SLC14A2: variants seen among roughly 807,000 people sequenced by gnomAD.
The protein encoded by SLC14A2 is solute carrier family 14 member 2.
A neutral mutation model predicts 104.6 loss-of-function variants in SLC14A2; 91 were observed. The observed-to-expected ratio is 0.87, with a 90% CI of 0.73 to 1.04. The LOEUF is 1.04. Among genes scored for constraint, SLC14A2 ranks in the 50% least tolerant of loss-of-function variants. The pLI is 0.00. For missense variants in SLC14A2, 1,189 were observed against 1,156.0 expected, an observed-to-expected ratio of 1.03 and a Z score of -0.41; for synonymous variants, 476 against 466.4, an observed-to-expected ratio of 1.02 and a Z score of -0.27.
chr18:45,191,638 C>T, the SLC14A2 span, among the ~76,000 whole-genome samples: 77 of 152,254 alleles, frequency 5.1e-4, no homozygotes, highest in African/African-American at 1.8e-3. Context: ...AAACTAGGTC[C>T]CCTGGGGGGG....
rs940215215 is a variant in SLC14A2, at chr18:45,411,253, T to A, written c.-124-71980T>A. ...ACATGGACTACACAGGAGCTTAATG[T>A]GTAAATTTATCCAGTGCTTTTGTAT... On this transcript the variant is annotated intron_variant, in intron 1 of 20. Coordinates refer to the SLC14A2 transcript ENST00000586448. 3.3e-5 allele frequency among the ~76,000 whole-genome samples: 5 copies of A among 152,228 alleles called. 1 individual carries two copies. The highest frequency in any genetic ancestry group is 3.3e-4 in the Admixed American group (5 of 15,276).
intron 5 of SLC14A2, among the ~76,000 whole-genome samples, chr18:45,634,202 G>T (rs1198247859): frequency 1.3e-5 from 2 of 152,188 alleles, no homozygotes; most frequent in African/African-American, 4.8e-5. Flanking sequence ...GTAGGTATTT[G>T]TAGTGCCATT....
chr18:45,264,572 G>A (rs549212235), intron 1 of SLC14A2, among the ~76,000 whole-genome samples: 57 of 152,230 alleles, frequency 3.7e-4, no homozygotes, highest in African/African-American at 1.2e-3. Context: ...TGGCTGGAGT[G>A]GCCTCACAAT....
At chr18:45,263,568 TAG>T (rs764187978) in intron 1 of SLC14A2, among the ~76,000 whole-genome samples, 20 of 152,234 alleles carry the variant, frequency 1.3e-4, no homozygotes, top group Non-Finnish European at 2.8e-4. Context: ...AATTCTAATG[TAG>T]AGTTTTAATG....
At chr18:45,196,454 T>C in the SLC14A2 span, among the ~76,000 whole-genome samples, 1 of 152,258 alleles carries the variant, frequency 6.6e-6, no homozygotes, top group Non-Finnish European at 1.5e-5. Flanking sequence ...TGTGATTCTC[T>C]GAAGTGGCCA....
intron 1 of SLC14A2, among the ~76,000 whole-genome samples, chr18:45,321,391 C>T (rs1259897062): frequency 6.6e-6 from 1 of 152,204 alleles, no homozygotes; most frequent in Non-Finnish European, 1.5e-5. Flanking sequence ...AGGAACAGAA[C>T]TATACTTGTG....
At chr18:45,172,218 G>A in the SLC14A2 span, among the ~76,000 whole-genome samples, 1 of 152,088 alleles carries the variant, frequency 6.6e-6, no homozygotes, top group Non-Finnish European at 1.5e-5. Flanking sequence ...CCTTTCCTAG[G>A]CCAACCAATA....
chr18:45,290,699 T>C (rs1476494895), intron 1 of SLC14A2, among the ~76,000 whole-genome samples: 2 of 152,244 alleles, frequency 1.3e-5, no homozygotes, highest in Non-Finnish European at 2.9e-5. Flanking sequence ...TCGCTAATGA[T>C]TTTCCTATTG....
At chr18:45,186,960 G>A in the SLC14A2 span, among the ~76,000 whole-genome samples, 3 of 151,984 alleles carry the variant, frequency 2.0e-5, no homozygotes, top group Non-Finnish European at 2.9e-5. Flanking sequence ...TCTCCTTCAC[G>A]AGATTCCTTG....
chr18:45,663,993 G>C, intron 11 of SLC14A2, 86 bp downstream of exon 11: 3 of 1,398,918 alleles, frequency 2.1e-6, no homozygotes, highest in Non-Finnish European at 2.9e-6. Context: ...TACTTCACAG[G>C]GTGGTGGGGA....
chr18:45,377,917 G>C (rs111667800), intron 1 of SLC14A2, among the ~76,000 whole-genome samples: 2 of 152,144 alleles, frequency 1.3e-5, no homozygotes, highest in African/African-American at 4.8e-5. Flanking sequence ...CAATTACAGG[G>C]ATCTCTCCAA....
chr18:45,392,465 T>C (rs1416804786), intron 1 of SLC14A2, among the ~76,000 whole-genome samples: 2 of 152,206 alleles, frequency 1.3e-5, no homozygotes, highest in Non-Finnish European at 2.9e-5. Context: ...CACCCAGCCT[T>C]CACCATAGCT....
At chr18:45,460,239 G>A (rs886657773) in intron 1 of SLC14A2, among the ~76,000 whole-genome samples, 6 of 152,174 alleles carry the variant, frequency 3.9e-5, no homozygotes, top group African/African-American at 1.2e-4. Flanking sequence ...GCCAGGCAAA[G>A]GAGAGGAGGT....
At chr18:45,668,525 C>T (rs753705519) in intron 15 of SLC14A2, 48 bp downstream of exon 15, 60 of 1,604,952 alleles carry the variant, frequency 3.7e-5, no homozygotes, top group African/African-American at 9.4e-5. Flanking sequence ...TGGCCACCAA[C>T]CTTTTCATCC....
chr18:45,252,788 T>C (rs1268551178), intron 1 of SLC14A2, among the ~76,000 whole-genome samples: 2 of 141,706 alleles, frequency 1.4e-5, no homozygotes, highest in Admixed American at 1.4e-4. Flanking sequence ...CATAGCAATA[T>C]TGACTTTTTT....
At chr18:45,336,174 G>A (rs1471353) in intron 1 of SLC14A2, among the ~76,000 whole-genome samples, 49,708 of 152,042 alleles carry the variant, frequency 0.33, 8,629 homozygotes, top group African/African-American at 0.46. Context: ...CAAAGGAGAT[G>A]CAACATGTAC....
chr18:45,223,003 C>T (rs963860859), intron 1 of SLC14A2, among the ~76,000 whole-genome samples: 1 of 152,200 alleles, frequency 6.6e-6, no homozygotes, highest in Admixed American at 6.5e-5. Context: ...GGTGTGAGGG[C>T]TGCCATCTTG....
chr18:45,262,055 C>T (rs550053143), intron 1 of SLC14A2, among the ~76,000 whole-genome samples: 1 of 152,186 alleles, frequency 6.6e-6, no homozygotes, highest in South Asian at 2.1e-4. Flanking sequence ...TTCTCCACAT[C>T]CTCTCCAGCA....
At chr18:45,267,719 G>T (rs774045512) in intron 1 of SLC14A2, among the ~76,000 whole-genome samples, 4 of 152,026 alleles carry the variant, frequency 2.6e-5, no homozygotes, top group Non-Finnish European at 5.9e-5. Context: ...GGACATTCCT[G>T]GAAAGAAATA....
Sources: allele counts gnomAD v4.1 joint callset (sites outside exome capture counted in the v4.1 genomes callset), GRCh38; gene constraint gnomAD v4.1.1; transcripts MANE v1.5; gene names NCBI Gene and HGNC (gene_info 2026-07-23, HGNC 2026-07-21).